PHACTR1: variants seen among roughly 807,000 people sequenced by gnomAD.
The protein encoded by PHACTR1 is phosphatase and actin regulator 1.
A neutral mutation model predicts 69.2 loss-of-function variants in PHACTR1; 16 were observed. The ratio of observed to expected loss-of-function variants is 0.23; its 90% CI spans 0.16 to 0.35. PHACTR1 has a LOEUF of 0.35. PHACTR1 is among the 10% of genes least tolerant of loss of function. The pLI, the probability that PHACTR1 is intolerant of heterozygous loss-of-function variation, is 1.00. For synonymous variants in PHACTR1, 312 were observed against 284.5 expected, an observed-to-expected ratio of 1.10 and a Z score of -0.97; for missense variants, 510 against 734.7, an observed-to-expected ratio of 0.69 and a Z score of 3.54.
At chr6:12,916,188 T>C (rs1448803994) in intron 4 of PHACTR1, among the ~76,000 whole-genome samples, 1 of 152,196 alleles carries the variant, frequency 6.6e-6, no homozygotes, top group Non-Finnish European at 1.5e-5. Flanking sequence ...GACTTCCCTT[T>C]TCCAAACTCC....
At chr6:12,936,102 CA>C (rs1789419077) in intron 4 of PHACTR1, among the ~76,000 whole-genome samples, 1 of 150,262 alleles carries the variant, frequency 6.7e-6, no homozygotes, top group African/African-American at 2.4e-5. Flanking sequence ...TACATATTTG[CA>C]ACAAACAATG....
intron 6 of PHACTR1, among the ~76,000 whole-genome samples, chr6:13,162,275 T>TTTTTTTTG (rs1554142202): frequency 2.0e-5 from 3 of 149,730 alleles, no homozygotes; most frequent in African/African-American, 7.4e-5. Flanking sequence ...ACTTTTGTTT[T>TTTTTTTTG]TTTGTTTGTT....
intron 5 of PHACTR1, among the ~76,000 whole-genome samples, chr6:13,095,782 T>TTTC (rs1814134148): frequency 1.3e-5 from 1 of 76,606 alleles, no homozygotes. Context: ...TTTTTTTTTG[T>TTTC]TAGACCAGGC....
intron 4 of PHACTR1, among the ~76,000 whole-genome samples, chr6:12,920,895 GT>G: frequency 6.6e-6 from 1 of 152,352 alleles, no homozygotes; most frequent in African/African-American, 2.4e-5. Context: ...GATTAATCAT[GT>G]TTCAAACACT....
chr6:13,089,171 C>T lies in PHACTR1; in HGVS notation c.415+35642C>T, dbSNP rs185581158. On this transcript the variant is annotated intron_variant, in intron 5 of 14. Coordinates refer to ENST00000332995, the MANE Select transcript of PHACTR1 (RefSeq NM_030948.6). ...TCCCCCTTAGCTCTTGGTTTGCCCC[C>T]GTCTCTTCCTGCCCTGGGCCCATCC... Among the ~76,000 whole-genome samples, 334 of 152,308 alleles carry T rather than the reference C, an allele frequency of 2.2e-3. 2 individuals are homozygous for T. Among genetic ancestry groups the T allele is most frequent in the African/African-American group, 6.7e-3 (277 of 41,562 alleles).
chr6:13,231,998 T>C (rs1350634816), intron 10 of PHACTR1, among the ~76,000 whole-genome samples: 1 of 152,232 alleles, frequency 6.6e-6, no homozygotes, highest in African/African-American at 2.4e-5. Flanking sequence ...CTGGACATAA[T>C]GTGTGGAAGT....
rs760303560 is a variant in PHACTR1 at position 13,182,675 on chromosome 6, T to C, written c.653T>C (p.Met218Thr). The change falls in exon 7 of 15, where the codon ATG (methionine) becomes ACG (threonine). Residue 218 changes from methionine to threonine, a missense_variant. Around this residue, in one of 2 missense-constraint regions of PHACTR1, gnomAD observed 419 missense variants for 530.9 expected, o/e 0.79. Transcript: ENST00000332995. ...GAGGTGCTCCAACCGTCAGACATCA[T>C]GGATGGGCCAGGTAATGCCCCGGCA... is the stretch of plus-strand genomic sequence containing the variant. ...SYEVLQPSDI[M>T]DGPDPGAPVK... is the part of the protein sequence containing the mutation. 1 of 1,555,284 alleles carries C rather than the reference T, an allele frequency of 6.4e-7. No individual in the cohort carries two copies. Among genetic ancestry groups the C allele is most frequent in the Non-Finnish European group, 8.7e-7 (1 of 1,153,298 alleles).
At chr6:13,145,167 A>G (rs1823140102) in intron 5 of PHACTR1, among the ~76,000 whole-genome samples, 1 of 152,250 alleles carries the variant, frequency 6.6e-6, no homozygotes, top group South Asian at 2.1e-4. Context: ...AGGCATCAGA[A>G]TCAACAGAAA....
chr6:13,221,803 C>T (rs1404117653), intron 8 of PHACTR1, among the ~76,000 whole-genome samples: 1 of 152,134 alleles, frequency 6.6e-6, no homozygotes, highest in Admixed American at 6.5e-5. Flanking sequence ...TTTGGGAGGC[C>T]AAGGCAGGTG....
At chr6:13,081,158 A>G (rs1408447474) in intron 5 of PHACTR1, among the ~76,000 whole-genome samples, 1 of 152,194 alleles carries the variant, frequency 6.6e-6, no homozygotes, top group South Asian at 2.1e-4. Context: ...GGGTTATAGT[A>G]GTAATTGCTT....
rs377093575 is a variant in PHACTR1, at chr6:13,249,198, G to A, written c.1391+19005G>A. ...GGCCCCACAGCAGGAGATGAGTGGC[G>A]GGAGTGAGCATTACTGCCTGAGCCC... is the stretch of plus-strand genomic sequence containing the variant. On this transcript the variant is annotated intron_variant, in intron 10 of 14. Coordinates refer to ENST00000332995, the MANE Select transcript of PHACTR1 (RefSeq NM_030948.6). 2.0e-4 allele frequency among the ~76,000 whole-genome samples: 30 copies of A among 152,196 alleles called. No homozygotes were observed. The East Asian group carries it at 3.5e-3, about 18-fold the overall frequency.
At chr6:13,036,888 G>T (rs1222093198) in intron 4 of PHACTR1, among the ~76,000 whole-genome samples, 1 of 152,122 alleles carries the variant, frequency 6.6e-6, no homozygotes, top group Non-Finnish European at 1.5e-5. Context: ...CTTTCTCTGA[G>T]AAACATTCAT....
intron 4 of PHACTR1, among the ~76,000 whole-genome samples, chr6:12,867,110 C>T (rs1229283873): frequency 1.3e-5 from 2 of 152,056 alleles, no homozygotes; most frequent in African/African-American, 2.4e-5. Flanking sequence ...AGGCCTCCAG[C>T]GAAGGGGGGT....
At chr6:12,896,604 G>A (rs1378149126) in intron 4 of PHACTR1, among the ~76,000 whole-genome samples, 1 of 152,176 alleles carries the variant, frequency 6.6e-6, no homozygotes, top group Non-Finnish European at 1.5e-5. Context: ...CATTGGATGG[G>A]ATCCCTGTTC....
chr6:13,130,166 G>T (rs781629109), intron 5 of PHACTR1, among the ~76,000 whole-genome samples: 8 of 152,018 alleles, frequency 5.3e-5, no homozygotes, highest in Non-Finnish European at 8.8e-5. Context: ...GTACAAAGAG[G>T]ACAGTTCATA....
Position 13,277,790 on chromosome 6 carries a change from C to T in PHACTR1, c.1448-478C>T, listed in dbSNP as rs3817733. ...TCATGAGACCCCCATCTCAACAAAACATTTTTAAAATTAGTCAGGTGTGGT... is the reference window on the plus strand; with the variant it reads ...TCATGAGACCCCCATCTCAACAAAATATTTTTAAAATTAGTCAGGTGTGGT... On this transcript the variant is annotated intron_variant, in intron 11 of 14. Transcript: ENST00000332995. Among the ~76,000 whole-genome samples the T allele has an allele frequency of 6.8e-4, 104 of 152,210 alleles. 1 individual carries two copies. In the East Asian group the frequency reaches 0.02, roughly 29 times the overall value.
At position 12,716,893 on chromosome 6, in the gene PHACTR1, G is replaced by C. The variant is rs957812804; in HGVS notation, c.-285G>C. 6.6e-6 allele frequency: 1 copy of C among 151,554 alleles called. No homozygotes were observed. Among genetic ancestry groups the C allele is most frequent in the African/African-American group, 2.4e-5 (1 of 41,168 alleles). 9.4% of individuals were successfully genotyped at this position (151,554 alleles called of 1,614,324 possible). A position where few individuals can be genotyped will look rare whatever the true frequency, so the allele number is the denominator to read the frequency against. On this transcript the variant is annotated 5_prime_UTR_variant, in exon 1 of 15. Transcript: ENST00000332995. ...GTCCTGTTGAAAGGGGTCAACAAGT[G>C]CCGGTGAGTATCCGCTAACTTCCAG...
At chr6:13,257,425 T>G (rs1775337787) in intron 10 of PHACTR1, among the ~76,000 whole-genome samples, 1 of 152,212 alleles carries the variant, frequency 6.6e-6, no homozygotes, top group South Asian at 2.1e-4. Flanking sequence ...AGTTTTATTA[T>G]ACATCATAAT....
At chr6:12,758,475 A>G (rs1285287618) in intron 4 of PHACTR1, among the ~76,000 whole-genome samples, 1 of 151,906 alleles carries the variant, frequency 6.6e-6, no homozygotes, top group Middle Eastern at 3.4e-3. Flanking sequence ...CTAAAAAAAA[A>G]AAAAAAAAAA....
Sources: gnomAD v4.1 joint callset for allele counts (sites outside exome capture counted in the v4.1 genomes callset) on GRCh38, gnomAD v4.1.1 for gene constraint, gnomAD v4.1.1 regional missense constraint, MANE v1.5 for transcripts, NCBI Gene and HGNC (gene_info 2026-07-23, HGNC 2026-07-21) for gene names.